Variants in RANBP17 observed in about 807,000 individuals in gnomAD.
The protein encoded by RANBP17 is RAN binding protein 17.
RANBP17 carries 158 observed loss-of-function variants against 141.2 expected under a neutral mutation model. The ratio of observed to expected loss-of-function variants is 1.12; its 90% CI spans 0.98 to 1.28. RANBP17 has a LOEUF of 1.28. Ranked by LOEUF, RANBP17 falls within the 50% of genes most tolerant of loss-of-function variation. The pLI is 0.00. For missense variants in RANBP17, 1,438 were observed against 1,290.7 expected (o/e 1.11, Z -1.75); for synonymous variants, 430 against 450.0 (o/e 0.96, Z 0.56).
chr5:170,939,855 G>A (rs948028993), intron 12 of RANBP17, among the ~76,000 whole-genome samples: 2 of 152,124 alleles, frequency 1.3e-5, no homozygotes, highest in African/African-American at 4.8e-5. Flanking sequence ...TTTAGGAAGG[G>A]AATTAAAATG....
At chr5:171,220,765 G>C (rs573114712) in intron 21 of RANBP17, among the ~76,000 whole-genome samples, 8 of 152,184 alleles carry the variant, frequency 5.3e-5, no homozygotes, top group African/African-American at 1.7e-4. Context: ...TTCTTATCTA[G>C]CACAATTGTC....
intron 12 of RANBP17, among the ~76,000 whole-genome samples, chr5:170,943,104 A>G (rs1774464283): frequency 6.6e-6 from 1 of 152,150 alleles, no homozygotes; most frequent in Admixed American, 6.5e-5. Flanking sequence ...CCTTTTAGAG[A>G]TATCTGTGGT....
intron 1 of RANBP17, among the ~76,000 whole-genome samples, chr5:170,870,946 T>A (rs1767669408): frequency 6.6e-6 from 1 of 152,208 alleles, no homozygotes; most frequent in South Asian, 2.1e-4. Flanking sequence ...GGTTGTGGTT[T>A]TGATTTGCAT....
At position 171,053,677 on chromosome 5, in the gene RANBP17, G is replaced by GT. The variant is rs538322201; in HGVS notation, c.1710+85308dup. Reference sequence around the variant, plus strand: ...ATGTCATCTGTAAAGAGGTAGTTTTGTTTTTTTTCCCCACTCTGCAATTTG... The same window carrying GT: ...ATGTCATCTGTAAAGAGGTAGTTTTGTTTTTTTTTCCCCACTCTGCAATTTG... On this transcript the variant is annotated intron_variant, in intron 14 of 27. Coordinates refer to ENST00000523189, the MANE Select transcript of RANBP17 (RefSeq NM_022897.5). Among the ~76,000 whole-genome samples, 66 of 150,408 alleles carry GT rather than the reference G, an allele frequency of 4.4e-4. 1 individual carries two copies. The South Asian group carries it at 0.013, about 29-fold the overall frequency.
At chr5:170,980,484 C>T (rs1777688589) in intron 14 of RANBP17, among the ~76,000 whole-genome samples, 1 of 152,122 alleles carries the variant, frequency 6.6e-6, no homozygotes, top group Admixed American at 6.5e-5. Flanking sequence ...GCCCAGGGTC[C>T]CCATGCTGTG....
chr5:171,265,554 A>G (rs1766615221), intron 24 of RANBP17, 127 bp from the exon 25 acceptor site: 2 of 879,124 alleles, frequency 2.3e-6, no homozygotes, highest in East Asian at 2.5e-5. Flanking sequence ...CCTGCCCTCA[A>G]AGAACTTGCA....
intron 20 of RANBP17, 99 bp downstream of exon 20, chr5:171,205,711 CA>C: frequency 2.2e-6 from 2 of 927,836 alleles, no homozygotes; most frequent in Non-Finnish European, 3.5e-6. Context: ...GAAGAGGAAA[CA>C]AAGCTAAATG....
chr5:170,868,342 G>T (rs1460591490), intron 1 of RANBP17, among the ~76,000 whole-genome samples: 2 of 152,114 alleles, frequency 1.3e-5, no homozygotes, highest in Non-Finnish European at 2.9e-5. Context: ...TCTGCCTCCT[G>T]GGCTTAAGAA....
intron 14 of RANBP17, chr5:171,143,245 G>GT (rs1253871145): frequency 6.6e-6 from 1 of 152,120 alleles, no homozygotes; most frequent in Non-Finnish European, 1.5e-5. Flanking sequence ...AATAATTCTT[G>GT]TATGTGTTGC....
rs566450147 is a variant in RANBP17, at chr5:170,955,943, A to T, written c.1574+2241A>T. Among the ~76,000 whole-genome samples the T allele has an allele frequency of 8.0e-5, 12 of 150,780 alleles. 1 individual carries two copies. The South Asian group carries it at 2.5e-3, about 31-fold the overall frequency. ...CTTTAAATATTATGTATTCAGATCT[A>T]TGGACTTTTTCCTTCATATTTCTCT... On this transcript the variant is annotated intron_variant, in intron 13 of 27. Transcript: ENST00000523189.
chr5:171,097,181 T>C (rs1786754168), intron 14 of RANBP17, among the ~76,000 whole-genome samples: 1 of 152,132 alleles, frequency 6.6e-6, no homozygotes, highest in South Asian at 2.1e-4. Flanking sequence ...TTAGTGTCTC[T>C]CTTTAGCTTG....
chr5:170,945,643 A>G (rs1044678371), intron 12 of RANBP17, among the ~76,000 whole-genome samples: 1 of 152,174 alleles, frequency 6.6e-6, no homozygotes, highest in Non-Finnish European at 1.5e-5. Context: ...GAGAAATATA[A>G]AAAATTACAT....
intron 1 of RANBP17, among the ~76,000 whole-genome samples, chr5:170,869,780 A>G (rs1328910356): frequency 6.6e-6 from 1 of 152,204 alleles, no homozygotes; most frequent in Non-Finnish European, 1.5e-5. Context: ...TGAAGACCCT[A>G]TTTCCAAATA....
At chr5:170,971,802 A>G (rs1176054342) in intron 14 of RANBP17, among the ~76,000 whole-genome samples, 1 of 152,092 alleles carries the variant, frequency 6.6e-6, no homozygotes, top group African/African-American at 2.4e-5. Flanking sequence ...TGGAATTTCA[A>G]AAGTATTCTA....
chr5:171,293,303 A>T (rs1768616119), intron 25 of RANBP17, among the ~76,000 whole-genome samples: 1 of 152,238 alleles, frequency 6.6e-6, no homozygotes, highest in Non-Finnish European at 1.5e-5. Flanking sequence ...TTACAGGCTG[A>T]ATTTAAGAGA....
intron 14 of RANBP17, among the ~76,000 whole-genome samples, chr5:171,049,438 G>A (rs766445435): frequency 1.3e-5 from 2 of 152,076 alleles, no homozygotes; most frequent in Non-Finnish European, 2.9e-5. Context: ...CTCTGTTGAT[G>A]GTTTATTTTT....
intron 14 of RANBP17, among the ~76,000 whole-genome samples, chr5:171,100,049 A>G (rs555050994): frequency 2.0e-5 from 3 of 152,214 alleles, no homozygotes; most frequent in Admixed American, 6.5e-5. Flanking sequence ...CATCAGGGTT[A>G]TTGGCCTGAA....
intron 25 of RANBP17, among the ~76,000 whole-genome samples, chr5:171,275,280 A>T: frequency 6.6e-6 from 1 of 152,232 alleles, no homozygotes; most frequent in East Asian, 1.9e-4. Flanking sequence ...TAAATATGTT[A>T]CCATTTGCAC....
intron 14 of RANBP17, among the ~76,000 whole-genome samples, chr5:171,078,589 C>T (rs1020480465): frequency 6.6e-6 from 1 of 152,214 alleles, no homozygotes; most frequent in Non-Finnish European, 1.5e-5. Context: ...TCTCTTAGTA[C>T]AGGCTAATCC....
Sources: gnomAD v4.1 joint callset for allele counts (sites outside exome capture counted in the v4.1 genomes callset) on GRCh38, gnomAD v4.1.1 for gene constraint, MANE v1.5 for transcripts, NCBI Gene and HGNC (gene_info 2026-07-23, HGNC 2026-07-21) for gene names.